SYNPR: variants seen among roughly 807,000 people sequenced by gnomAD.
SYNPR encodes the protein synaptoporin.
SYNPR carries 23 observed loss-of-function variants against 32.9 expected under a neutral mutation model. The ratio of observed to expected loss-of-function variants is 0.70; its 90% confidence interval spans 0.50 to 0.99. The LOEUF (loss-of-function observed/expected upper bound fraction) is 0.99, where lower values mean the gene tolerates loss of function less well. SYNPR is among the 50% of genes least tolerant of loss of function. SYNPR has a pLI of 0.00. For missense variants in SYNPR, 318 were observed against 349.3 expected, an observed-to-expected ratio of 0.91 and a Z score of 0.71; for synonymous variants, 146 against 135.9, an observed-to-expected ratio of 1.07 and a Z score of -0.52.
At chr3:63,474,273 C>G (rs2106681977) in intron 2 of SYNPR, among the ~76,000 whole-genome samples, 1 of 152,276 alleles carries the variant, frequency 6.6e-6, no homozygotes, top group South Asian at 2.1e-4. Flanking sequence ...CAGTCTCAGG[C>G]CAAGCACACG....
intron 2 of SYNPR, among the ~76,000 whole-genome samples, chr3:63,471,494 G>A (rs1379214495): frequency 2.0e-5 from 3 of 152,068 alleles, no homozygotes; most frequent in African/African-American, 4.8e-5. Context: ...AGAAAAATAC[G>A]ATTATCAGTA....
At chr3:63,571,829 AC>A (rs1470982797) in intron 4 of SYNPR, among the ~76,000 whole-genome samples, 1 of 152,080 alleles carries the variant, frequency 6.6e-6, no homozygotes, top group Admixed American at 6.6e-5. Context: ...GACAAAGGTG[AC>A]CCCGCCTAGA....
intron 2 of SYNPR, among the ~76,000 whole-genome samples, chr3:63,382,708 G>A (rs2107071091): frequency 6.6e-6 from 1 of 152,246 alleles, no homozygotes; most frequent in South Asian, 2.1e-4. Context: ...TCCTTTCGGA[G>A]TCGTCTTATG....
At chr3:63,534,354 A>G (rs945369678) in intron 3 of SYNPR, among the ~76,000 whole-genome samples, 1 of 152,186 alleles carries the variant, frequency 6.6e-6, no homozygotes, top group African/African-American at 2.4e-5. Flanking sequence ...AAAAATGAAT[A>G]AACTGGTTTT....
intron 4 of SYNPR, among the ~76,000 whole-genome samples, chr3:63,592,321 T>G (rs1699849505): frequency 6.6e-6 from 1 of 152,162 alleles, no homozygotes; most frequent in Non-Finnish European, 1.5e-5. Flanking sequence ...ACTTGGTTCA[T>G]GATAATTTTA....
chr3:63,537,766 A>G (rs770513698), intron 3 of SYNPR, among the ~76,000 whole-genome samples: 2 of 152,120 alleles, frequency 1.3e-5, no homozygotes, highest in Non-Finnish European at 2.9e-5. Context: ...CCATGCTACA[A>G]TTAATAAATA....
intron 2 of SYNPR, among the ~76,000 whole-genome samples, chr3:63,294,970 T>C (rs1243214538): frequency 6.6e-6 from 1 of 152,164 alleles, no homozygotes; most frequent in South Asian, 2.1e-4. Context: ...ATTCTTTTGA[T>C]AGAAAGGCAG....
At chr3:63,331,459 G>T (rs2087228658) in intron 2 of SYNPR, among the ~76,000 whole-genome samples, 1 of 152,084 alleles carries the variant, frequency 6.6e-6, no homozygotes, top group Non-Finnish European at 1.5e-5. Flanking sequence ...AAACCATTTG[G>T]TTTGTTCTGT....
At chr3:63,590,787 C>A (rs1343817996) in intron 4 of SYNPR, among the ~76,000 whole-genome samples, 1 of 118,420 alleles carries the variant, frequency 8.4e-6, no homozygotes. Context: ...CTTCCTTACA[C>A]CTTATACAAA....
At chr3:63,416,694 C>T (rs906704006) in intron 2 of SYNPR, among the ~76,000 whole-genome samples, 2 of 151,888 alleles carry the variant, frequency 1.3e-5, no homozygotes, top group African/African-American at 2.4e-5. Flanking sequence ...GCTGGGGAGG[C>T]CTCAAAATTA....
In SYNPR at chr3:63,408,182, GAAAGAAAGAAAGAGGAAGGA is replaced by G. The variant is rs1485420914; in HGVS notation, c.85-72648_85-72629del. 1.7e-3 allele frequency among the ~76,000 whole-genome samples: 179 copies of G among 108,174 alleles called. 22 individuals are homozygous for G. Among genetic ancestry groups the G allele is most frequent in the African/African-American group, 7.0e-3 (172 of 24,552 alleles). The allele number at this position is 108,174 out of a possible 152,430, so 71.0% of individuals were successfully genotyped here. A position where few individuals can be genotyped will look rare whatever the true frequency, so the allele number is the denominator to read the frequency against. The stretch of plus-strand genomic sequence containing the variant: ...AGAAAGAAAGAAAGAAAGAAAGAAA[GAAAGAAAGAAAGAGGAAGGA>G]AGGAAGGAAGGAAGGAAGGAAGGAA... On this transcript the variant is annotated intron_variant, in intron 2 of 5. Coordinates refer to ENST00000478300, the MANE Select transcript of SYNPR (RefSeq NM_001130003.2).
intron 4 of SYNPR, among the ~76,000 whole-genome samples, chr3:63,559,768 G>C (rs1033652070): frequency 4.0e-5 from 6 of 150,086 alleles, no homozygotes; most frequent in Non-Finnish European, 7.4e-5. Context: ...ATCTTTAACA[G>C]AGTCACCAAA....
chr3:63,217,955 A>C, the SYNPR span, among the ~76,000 whole-genome samples: 2 of 152,114 alleles, frequency 1.3e-5, no homozygotes, highest in Non-Finnish European at 2.9e-5. Context: ...TATGTCTATA[A>C]GGATTTCTTA....
the SYNPR span, among the ~76,000 whole-genome samples, chr3:63,220,028 TCTTCAAG>T: frequency 6.6e-6 from 1 of 152,222 alleles, no homozygotes; most frequent in Non-Finnish European, 1.5e-5. Flanking sequence ...CAATTGAAGC[TCTTCAAG>T]CTTCAACATA....
At chr3:63,208,230 C>T in the SYNPR span, among the ~76,000 whole-genome samples, 2 of 152,162 alleles carry the variant, frequency 1.3e-5, no homozygotes, top group Non-Finnish European at 2.9e-5. Flanking sequence ...TGAATTAAAA[C>T]TTCATCAGCA....
At chr3:63,261,228 A>G (rs2086434879) in intron 2 of SYNPR, among the ~76,000 whole-genome samples, 4 of 152,192 alleles carry the variant, frequency 2.6e-5, no homozygotes, top group African/African-American at 9.7e-5. Context: ...ATATACCCAA[A>G]GGACTATAAA....
chr3:63,306,357 G>A (rs975726462), intron 2 of SYNPR, among the ~76,000 whole-genome samples: 1 of 151,846 alleles, frequency 6.6e-6, no homozygotes, highest in African/African-American at 2.4e-5. Flanking sequence ...TGAATTTAAA[G>A]CAATCCTGTG....
At chr3:63,268,541 G>A (rs181503732) in intron 3 of SYNPR, among the ~76,000 whole-genome samples, 1 of 152,248 alleles carries the variant, frequency 6.6e-6, no homozygotes, top group East Asian at 1.9e-4. Context: ...TTACAATGAA[G>A]TAAGCTAGAG....
intron 3 of SYNPR, among the ~76,000 whole-genome samples, chr3:63,554,328 T>C (rs956119123): frequency 1.3e-5 from 2 of 152,246 alleles, no homozygotes; most frequent in African/African-American, 4.8e-5. Flanking sequence ...CTAGGTTTTC[T>C]TCCAGGAGTT....
Sources: gnomAD v4.1 joint callset for allele counts (sites outside exome capture counted in the v4.1 genomes callset) on GRCh38, gnomAD v4.1.1 for gene constraint, MANE v1.5 for transcripts, NCBI Gene and HGNC (gene_info 2026-07-23, HGNC 2026-07-21) for gene names.